ERCC4: variants seen among roughly 807,000 people sequenced by gnomAD.
The protein encoded by ERCC4 is DNA repair endonuclease XPF.
A neutral mutation model predicts 76.9 loss-of-function variants in ERCC4; 65 were observed. That is an observed-to-expected ratio of 0.84 (90% CI 0.69 to 1.04). ERCC4 has a LOEUF of 1.04. Among genes scored for constraint, ERCC4 ranks in the 50% least tolerant of loss-of-function variants. The probability of loss-of-function intolerance (pLI) is 0.00; values close to 1 mark genes in which losing one functional copy is unlikely to be tolerated. For missense variants in ERCC4, 1,214 were observed against 1,128.2 expected (o/e 1.08, Z -1.09); for synonymous variants, 463 against 410.1 (o/e 1.13, Z -1.56).
rs1166615996 is a variant in ERCC4, at chr16:13,952,186, TA to T, written c.*3840del. 5.3e-6 allele frequency: 1 copy of T among 187,148 alleles called. No individual in the cohort carries two copies. Among genetic ancestry groups the T allele is most frequent in the Non-Finnish European group, 1.1e-5 (1 of 88,760 alleles). The allele number at this position is 187,148 out of a possible 1,614,324, so 11.6% of individuals were successfully genotyped here. A position where few individuals can be genotyped will look rare whatever the true frequency, so the allele number is the denominator to read the frequency against. On this transcript the variant is annotated 3_prime_UTR_variant, in exon 11 of 11. Coordinates refer to ENST00000311895, the MANE Select transcript of ERCC4 (RefSeq NM_005236.3). Reference sequence around the variant, plus strand: ...GTGTGTGTTTAATAAAATATATATTTATTCAGTACTTTCCTCAGTATTTTAT... The same window carrying T: ...GTGTGTGTTTAATAAAATATATATTTTTCAGTACTTTCCTCAGTATTTTAT...
In ERCC4 at chr16:13,949,092, A is replaced by G. The variant is rs541739848; in HGVS notation, c.*745A>G. The G allele has an allele frequency of 1.7e-4, 40 of 232,944 alleles. No individual in the cohort carries two copies. The highest frequency in any genetic ancestry group is 1.2e-3 in the Middle Eastern group (1 of 804). The allele number at this position is 232,944 out of a possible 1,614,324, so 14.4% of individuals were successfully genotyped here. A position where few individuals can be genotyped will look rare whatever the true frequency, so the allele number is the denominator to read the frequency against. The stretch of plus-strand genomic sequence containing the variant: ...TGACTAGTCTTCTAATGACCCTAAC[A>G]TATGTAGCATATACTATAATTTCAT... On this transcript the variant is annotated 3_prime_UTR_variant, in exon 11 of 11. Coordinates refer to ENST00000311895, the MANE Select transcript of ERCC4 (RefSeq NM_005236.3).
chr16:13,934,795 A>G (rs1596626145), intron 7 of ERCC4: 3 of 252,490 alleles, frequency 1.2e-5, no homozygotes, highest in African/African-American at 6.6e-5. Context: ...GACTAACACA[A>G]TTCACAAAAG....
Position 13,948,426 on chromosome 16 carries a change from ATTGG to A in ERCC4, c.*82_*85del. Reference sequence around the variant, plus strand: ...CAGACATCATAGGTCATTATTAATTATTGGTTTGCTATTTCATTCTTTTCCAATG... The same window carrying A: ...CAGACATCATAGGTCATTATTAATTATTTGCTATTTCATTCTTTTCCAATG... On this transcript the variant is annotated 3_prime_UTR_variant, in exon 11 of 11. Transcript: ENST00000311895. 1 of 1,488,734 alleles carries A rather than the reference ATTGG, an allele frequency of 6.7e-7. No homozygotes were observed. Among genetic ancestry groups the A allele is most frequent in the South Asian group, 1.1e-5 (1 of 87,906 alleles). The allele number at this position is 1,488,734 out of a possible 1,614,324, so 92.2% of individuals were successfully genotyped here.
rs1341706465 is a variant in ERCC4, at chr16:13,950,163, G to T, written c.*1816G>T. 1 of 184,292 alleles carries T rather than the reference G, an allele frequency of 5.4e-6. No homozygotes were observed. The highest frequency in any genetic ancestry group is 1.1e-5 in the Non-Finnish European group (1 of 87,014). The allele number at this position is 184,292 out of a possible 1,614,324, so 11.4% of individuals were successfully genotyped here. ...TTTAGTAGAGACGGGGTTTCACCAT[G>T]TTGGCCAGGCTGGTCTCAAACTACT... On this transcript the variant is annotated 3_prime_UTR_variant, in exon 11 of 11. Coordinates refer to ENST00000311895, the MANE Select transcript of ERCC4 (RefSeq NM_005236.3).
intron 3 of ERCC4, 48 bp from the exon 4 acceptor site, chr16:13,927,980 T>C (rs1361778571): frequency 1.4e-6 from 2 of 1,393,538 alleles, no homozygotes; most frequent in African/African-American, 1.4e-5. Flanking sequence ...CAGAAATACA[T>C]AGCTGCTGAA....
intron 9 of ERCC4, among the ~76,000 whole-genome samples, chr16:13,941,289 C>T (rs1257943293): frequency 6.6e-6 from 1 of 152,152 alleles, no homozygotes; most frequent in East Asian, 1.9e-4. Context: ...GTCTACTTGT[C>T]ATAAATAAGA....
Position 13,948,498 on chromosome 16 carries a change from C to A in ERCC4, c.*151C>A. The A allele has an allele frequency of 1.1e-6, 1 of 920,860 alleles. No homozygotes were observed. The highest frequency in any genetic ancestry group is 1.7e-6 in the Non-Finnish European group (1 of 595,492). 57.0% of individuals were successfully genotyped at this position (920,860 alleles called of 1,614,324 possible). A position where few individuals can be genotyped will look rare whatever the true frequency, so the allele number is the denominator to read the frequency against. The stretch of plus-strand genomic sequence containing the variant: ...GTGGACCAGAAGCCAGGATTCCTCT[C>A]TGAACTCTGCAGTTAGGCATCACTT... On this transcript the variant is annotated 3_prime_UTR_variant, in exon 11 of 11. Coordinates refer to ENST00000311895, the MANE Select transcript of ERCC4 (RefSeq NM_005236.3).
chr16:13,935,574 A>G lies in ERCC4; in HGVS notation c.1642A>G (p.Lys548Glu). Reference sequence around the variant, plus strand: ...ATCGGATGCTGCTTTCGGAATCCTGAAAGAACCCCTCACTATCATCCATCC... The same window carrying G: ...ATCGGATGCTGCTTTCGGAATCCTGGAAGAACCCCTCACTATCATCCATCC... ...LSSDAAFGIL[K>E]EPLTIIHPLL... The change falls in exon 8 of 11, where the codon AAA (lysine) becomes GAA (glutamate). Residue 548 changes from lysine to glutamate, a missense_variant. By Grantham distance (56) the Lys-to-Glu change is moderately conservative (BLOSUM62 1). Coordinates refer to ENST00000311895, the MANE Select transcript of ERCC4 (RefSeq NM_005236.3). 1 of 1,614,174 alleles carries G rather than the reference A, an allele frequency of 6.2e-7. No homozygotes were observed. The highest frequency in any genetic ancestry group is 8.5e-7 in the Non-Finnish European group (1 of 1,180,028).
At position 13,948,569 on chromosome 16, in the gene ERCC4, C is replaced by T. The variant is rs527893953; in HGVS notation, c.*222C>T. 3.0e-5 allele frequency: 17 copies of T among 568,042 alleles called. No homozygotes were observed. The highest frequency in any genetic ancestry group is 4.1e-5 in the Non-Finnish European group (13 of 319,550). 35.2% of individuals were successfully genotyped at this position (568,042 alleles called of 1,614,324 possible). A position where few individuals can be genotyped will look rare whatever the true frequency, so the allele number is the denominator to read the frequency against. On this transcript the variant is annotated 3_prime_UTR_variant, in exon 11 of 11. Transcript: ENST00000311895. ...TTTTTCCTCCCTGCACCGTCTATGC[C>T]GGGCTTAGCATGTTTCTTTTTAAAT... is the stretch of plus-strand genomic sequence containing the variant.
intron 1 of ERCC4, among the ~76,000 whole-genome samples, chr16:13,921,703 T>G (rs1385219327): frequency 6.6e-6 from 1 of 152,158 alleles, no homozygotes; most frequent in Non-Finnish European, 1.5e-5. Context: ...AAACCTGGCT[T>G]TGGTGGGAAG....
rs377224276 is a variant in ERCC4, at chr16:13,926,556, C to T, written c.389-5C>T. The T allele has an allele frequency of 4.0e-5, 65 of 1,612,802 alleles. 1 individual carries two copies. In the East Asian group the frequency reaches 1.2e-3, roughly 29 times the overall value. Reference sequence around the variant, plus strand: ...TGTAGTTTAAATTATGTTTCTCCCCCTCAGGCATCTTGGTGTATAGAGCCC... The same window carrying T: ...TGTAGTTTAAATTATGTTTCTCCCCTTCAGGCATCTTGGTGTATAGAGCCC... On this transcript the variant is annotated splice_region_variant and splice_polypyrimidine_tract_variant and intron_variant, in intron 2 of 10. Transcript: ENST00000311895.
rs539872870 is a variant in ERCC4, at chr16:13,931,916, G to T, written c.974-241G>T. The T allele has an allele frequency of 1.1e-3, 546 of 496,322 alleles. 3 individuals carry two copies. The highest frequency in any genetic ancestry group is 2.6e-4 in the Non-Finnish European group (73 of 282,384). The allele number at this position is 496,322 out of a possible 1,614,324, so 30.7% of individuals were successfully genotyped here. ...TCAAATAATGTCATGGTATTGTTAC[G>T]AGAAAAGTTCTGACATCACATAGCC... On this transcript the variant is annotated intron_variant, in intron 5 of 10. Transcript: ENST00000311895.
At chr16:13,940,833 A>G (rs1358453596) in intron 9 of ERCC4, among the ~76,000 whole-genome samples, 5 of 152,184 alleles carry the variant, frequency 3.3e-5, no homozygotes, top group African/African-American at 1.2e-4. Context: ...TGTTGAGGAG[A>G]GAAGCCTTTC....
rs376791839 is a variant in ERCC4 at position 13,948,905 on chromosome 16, A to G, written c.*558A>G. 8.6e-6 allele frequency: 2 copies of G among 232,542 alleles called. No individual in the cohort carries two copies. Among genetic ancestry groups the G allele is most frequent in the Non-Finnish European group, 1.7e-5 (2 of 117,696 alleles). 14.4% of individuals were successfully genotyped at this position (232,542 alleles called of 1,614,324 possible). A position where few individuals can be genotyped will look rare whatever the true frequency, so the allele number is the denominator to read the frequency against. On this transcript the variant is annotated 3_prime_UTR_variant, in exon 11 of 11. Coordinates refer to ENST00000311895, the MANE Select transcript of ERCC4 (RefSeq NM_005236.3). ...AATCATGTTCTGACCCTTTGTCTAC[A>G]AAGGAGCCTTCTGGAACACTGAGAA...
chr16:13,941,384 T>C (rs1429916216), intron 9 of ERCC4, among the ~76,000 whole-genome samples: 2 of 152,184 alleles, frequency 1.3e-5, no homozygotes, highest in Non-Finnish European at 1.5e-5. Flanking sequence ...ACTTGGGAAA[T>C]TTGAGAGGTG....
intron 6 of ERCC4, 132 bp from the exon 7 acceptor site, chr16:13,934,060 A>C: frequency 1.6e-6 from 1 of 614,426 alleles, no homozygotes; most frequent in Non-Finnish European, 2.9e-6. Flanking sequence ...GATTCCATCT[A>C]ACATTATAAA....
Position 13,946,894 on chromosome 16 carries a change from G to A in ERCC4, c.2018-720G>A, listed in dbSNP as rs974871351. ...TCCTGCCACAGCCTCCCGAGTAGCT[G>A]GGATTACAGGTGCACGCCACCACAC... On this transcript the variant is annotated intron_variant, in intron 10 of 10. Transcript: ENST00000311895. Among the ~76,000 whole-genome samples the A allele has an allele frequency of 2.6e-5, 4 of 152,056 alleles. No individual in the cohort carries two copies. The South Asian group carries it at 8.3e-4, about 32-fold the overall frequency.
chr16:13,936,426 C>A (rs989239621), intron 8 of ERCC4, among the ~76,000 whole-genome samples: 1 of 152,176 alleles, frequency 6.6e-6, no homozygotes. Flanking sequence ...AATGGAGGAG[C>A]TGGATCAGAA....
At chr16:13,925,557 A>G (rs2032056449) in intron 2 of ERCC4, among the ~76,000 whole-genome samples, 2 of 151,644 alleles carry the variant, frequency 1.3e-5, no homozygotes, top group African/African-American at 2.4e-5. Context: ...AAACTTAAAC[A>G]TTAAAATAGT....
Sources: allele counts gnomAD v4.1 joint callset (sites outside exome capture counted in the v4.1 genomes callset), GRCh38; gene constraint gnomAD v4.1.1; transcripts MANE v1.5; gene names NCBI Gene and HGNC (gene_info 2026-07-23, HGNC 2026-07-21).